The following CCSER1 variants were observed in gnomAD, a reference collection of about 807,000 sequenced individuals.
CCSER1 encodes the protein coiled-coil serine rich protein 1.
CCSER1 carries 41 observed loss-of-function variants against 82.0 expected under a neutral mutation model. The ratio of observed to expected loss-of-function variants is 0.50; its 90% CI spans 0.39 to 0.65. The LOEUF (loss-of-function observed/expected upper bound fraction) is 0.65, where lower values mean the gene tolerates loss of function less well. CCSER1 is among the 30% of genes least tolerant of loss of function. CCSER1 has a pLI of 0.00. For missense variants in CCSER1, 1,119 were observed against 1,064.2 expected, an observed-to-expected ratio of 1.05 and a Z score of -0.72; for synonymous variants, 414 against 383.9, an observed-to-expected ratio of 1.08 and a Z score of -0.92.
At chr4:90,743,143 C>T (rs1746827067) in intron 7 of CCSER1, among the ~76,000 whole-genome samples, 1 of 151,928 alleles carries the variant, frequency 6.6e-6, no homozygotes, top group African/African-American at 2.4e-5. Flanking sequence ...TTCTCAATAG[C>T]TTAGGAATAT....
At chr4:91,006,702 A>C (rs1738547450) in intron 9 of CCSER1, among the ~76,000 whole-genome samples, 1 of 152,050 alleles carries the variant, frequency 6.6e-6, no homozygotes, top group East Asian at 1.9e-4. Context: ...CATGTTAGCC[A>C]GGATGGTCTT....
At chr4:90,847,323 A>G (rs960324691) in intron 8 of CCSER1, among the ~76,000 whole-genome samples, 77 of 152,224 alleles carry the variant, frequency 5.1e-4, no homozygotes, top group African/African-American at 1.8e-3. Flanking sequence ...TCAGTGGAGC[A>G]CCCCATCTGG....
intron 1 of CCSER1, among the ~76,000 whole-genome samples, chr4:90,286,229 G>A (rs1238671623): frequency 3.3e-5 from 5 of 151,904 alleles, no homozygotes; most frequent in East Asian, 3.9e-4. Flanking sequence ...TTCTTTAAAT[G>A]TTTGGTAGAA....
chr4:91,315,820 C>T (rs1405081188), intron 10 of CCSER1, among the ~76,000 whole-genome samples: 1 of 151,978 alleles, frequency 6.6e-6, no homozygotes. Flanking sequence ...AGTTCCACAG[C>T]TTATAAGCCA....
At chr4:91,188,596 T>C (rs1478869432) in intron 10 of CCSER1, among the ~76,000 whole-genome samples, 1 of 152,214 alleles carries the variant, frequency 6.6e-6, no homozygotes, top group East Asian at 1.9e-4. Context: ...TAATGCCATT[T>C]AGTGTACCCT....
chr4:90,334,623 T>TG, intron 3 of CCSER1, among the ~76,000 whole-genome samples: 1 of 152,290 alleles, frequency 6.6e-6, no homozygotes, highest in Admixed American at 6.5e-5. Context: ...CATTGTTTTA[T>TG]GCTTGTTCTT....
At chr4:91,298,185 G>C (rs1183957489) in intron 10 of CCSER1, among the ~76,000 whole-genome samples, 1 of 152,030 alleles carries the variant, frequency 6.6e-6, no homozygotes, top group Non-Finnish European at 1.5e-5. Context: ...AAGTGGATCA[G>C]TCAGATTTCC....
chr4:90,475,882 C>G (rs965582541), intron 5 of CCSER1, among the ~76,000 whole-genome samples: 1 of 152,148 alleles, frequency 6.6e-6, no homozygotes, highest in Non-Finnish European at 1.5e-5. Flanking sequence ...GACCGAGTAC[C>G]ACTACCCGCT....
At chr4:91,495,890 C>T in intron 10 of CCSER1, among the ~76,000 whole-genome samples, 1 of 151,432 alleles carries the variant, frequency 6.6e-6, no homozygotes, top group East Asian at 1.9e-4. Context: ...AGTCAAAATA[C>T]TTTAGGTTTA....
intron 10 of CCSER1, among the ~76,000 whole-genome samples, chr4:91,114,010 G>T (rs556109631): frequency 7.9e-5 from 12 of 152,064 alleles, no homozygotes; most frequent in Admixed American, 4.6e-4. Context: ...CCACTACCAC[G>T]CCCGGCTAAT....
At chr4:91,199,229 C>A (rs750050662) in intron 10 of CCSER1, among the ~76,000 whole-genome samples, 11 of 152,110 alleles carry the variant, frequency 7.2e-5, no homozygotes, top group Non-Finnish European at 1.2e-4. Flanking sequence ...AAATGAAAGT[C>A]GCATAGATAC....
At chr4:91,471,387 C>A (rs967165321) in intron 10 of CCSER1, among the ~76,000 whole-genome samples, 8 of 151,768 alleles carry the variant, frequency 5.3e-5, no homozygotes, top group African/African-American at 1.7e-4. Flanking sequence ...ACTGTGTGCA[C>A]AGATGGCTGA....
At chr4:91,204,023 G>C (rs149400134) in intron 10 of CCSER1, among the ~76,000 whole-genome samples, 151 of 151,952 alleles carry the variant, frequency 9.9e-4, no homozygotes, top group Middle Eastern at 3.4e-3. Context: ...GACATTAAAT[G>C]TTTCCTGAGA....
chr4:91,052,711 A>G (rs1334115279), intron 9 of CCSER1, among the ~76,000 whole-genome samples: 1 of 152,164 alleles, frequency 6.6e-6, no homozygotes, highest in East Asian at 1.9e-4. Flanking sequence ...TCAATAACTA[A>G]TATCATACTG....
intron 10 of CCSER1, among the ~76,000 whole-genome samples, chr4:91,176,585 T>G (rs1183358385): frequency 1.3e-5 from 2 of 152,118 alleles, no homozygotes; most frequent in Non-Finnish European, 2.9e-5. Flanking sequence ...GAAGCAATTG[T>G]GAAAGGGAGT....
chr4:90,308,235 CT>C lies in CCSER1; in HGVS notation c.-41-6del. The C allele has an allele frequency of 5.5e-6, 8 of 1,455,324 alleles. No individual in the cohort carries two copies. The highest frequency in any genetic ancestry group is 7.2e-6 in the Non-Finnish European group (8 of 1,103,548). The allele number at this position is 1,455,324 out of a possible 1,614,324, so 90.2% of individuals were successfully genotyped here. On this transcript the variant is annotated splice_region_variant and splice_polypyrimidine_tract_variant and intron_variant, in intron 1 of 10. Transcript: ENST00000509176. Reference sequence around the variant, plus strand: ...ATTGACTTGTTGTTTTTGTTTTAACCTTTCTCAGGCTGCAAAGTTGGCTTTC... The same window carrying C: ...ATTGACTTGTTGTTTTTGTTTTAACCTTCTCAGGCTGCAAAGTTGGCTTTC...
rs545946104 is a variant in CCSER1, at chr4:90,708,323, C to T, written c.1933-15591C>T. On this transcript the variant is annotated intron_variant, in intron 6 of 10. Transcript: ENST00000509176. ...TAGCAGTAAAAAGCCAACTGTACAACTGCTGAGCAGAACACACGTTCTCTG... is the reference window on the plus strand; with the variant it reads ...TAGCAGTAAAAAGCCAACTGTACAATTGCTGAGCAGAACACACGTTCTCTG... Among the ~76,000 whole-genome samples the T allele has an allele frequency of 4.6e-5, 7 of 152,316 alleles. No individual in the cohort carries two copies. In the East Asian group the frequency reaches 5.8e-4, roughly 13 times the overall value.
At chr4:90,464,112 A>G (rs1241582964) in intron 4 of CCSER1, among the ~76,000 whole-genome samples, 1 of 152,164 alleles carries the variant, frequency 6.6e-6, no homozygotes, top group African/African-American at 2.4e-5. Context: ...CTGTAATAGC[A>G]TAGTTTTTGT....
intron 7 of CCSER1, among the ~76,000 whole-genome samples, chr4:90,775,064 T>C (rs139744929): frequency 1.2e-3 from 177 of 152,212 alleles, no homozygotes; most frequent in Admixed American, 2.8e-3. Flanking sequence ...CTATTTGAGT[T>C]CTCCTATAAT....
Sources: allele counts gnomAD v4.1 joint callset (sites outside exome capture counted in the v4.1 genomes callset), GRCh38; gene constraint gnomAD v4.1.1; transcripts MANE v1.5; gene names NCBI Gene and HGNC (gene_info 2026-07-23, HGNC 2026-07-21).